The following HEATR9 variants were observed in gnomAD, a reference collection of about 807,000 sequenced individuals.
The protein encoded by HEATR9 is protein HEATR9.
HEATR9 carries 54 observed loss-of-function variants against 68.2 expected under a neutral mutation model. The ratio of observed to expected loss-of-function variants is 0.79; its 90% CI spans 0.64 to 0.99. HEATR9 has a LOEUF of 0.99. HEATR9 is among the 50% of genes least tolerant of loss of function. The pLI is 0.00. For missense variants in HEATR9, 662 were observed against 679.7 expected (o/e 0.97, Z 0.29); for synonymous variants, 241 against 253.5 (o/e 0.95, Z 0.47).
chr17:35,865,226 T>C lies in HEATR9; in HGVS notation c.309A>G (p.Arg103=). 1 of 1,613,806 alleles carries C rather than the reference T, an allele frequency of 6.2e-7. No individual in the cohort carries two copies. Among genetic ancestry groups the C allele is most frequent in the Non-Finnish European group, 8.5e-7 (1 of 1,179,798 alleles). Residue 103 remains arginine, a synonymous_variant, in exon 3 of 15, where the codon AGA becomes AGG. Coordinates refer to ENST00000604834, the MANE Select transcript of HEATR9 (RefSeq NM_152781.4). The stretch of plus-strand genomic sequence containing the variant: ...CCAGCAAAACACACCTACAGTCATC[T>C]CTCATTTTCCTCAACATCTTCTCAG... ...REAEKMLRKM[R]DDCRYIKEVH... is the part of the protein sequence containing the mutation.
chr17:35,862,786 T>A (rs2088042358), intron 8 of HEATR9, among the ~76,000 whole-genome samples: 2 of 152,216 alleles, frequency 1.3e-5, no homozygotes, highest in African/African-American at 4.8e-5. Context: ...AAATACAAAC[T>A]GCAGCTCTGA....
At chr17:35,863,211 G>A (rs2088061175) in intron 7 of HEATR9, 86 bp from the exon 8 acceptor site, 19 of 1,564,658 alleles carry the variant, frequency 1.2e-5, no homozygotes, top group Admixed American at 1.7e-5. Flanking sequence ...CTGTGCCATC[G>A]AGACCTAAGT....
intron 8 of HEATR9, chr17:35,861,538 G>T: frequency 1.2e-6 from 1 of 868,400 alleles, no homozygotes; most frequent in Admixed American, 1.7e-5. Flanking sequence ...GATGGGCCTC[G>T]AAGAGAAATA....
intron 1 of HEATR9, among the ~76,000 whole-genome samples, chr17:35,867,398 G>A (rs556897019): frequency 2.6e-5 from 3 of 114,734 alleles, no homozygotes; most frequent in African/African-American, 1.0e-4. Flanking sequence ...TCATGCCACT[G>A]TACTCCAGCC....
Position 35,855,741 on chromosome 17 carries a change from C to T in HEATR9, c.1288G>A (p.Gly430Arg). The change falls in exon 14 of 15, where the codon GGG becomes AGG. Residue 430 changes from glycine (G) to arginine (R), a missense_variant. Coordinates refer to ENST00000604834, the MANE Select transcript of HEATR9 (RefSeq NM_152781.4). ...TGGAACACTTGTGGACTGCGGATCC[C>T]CAGGACACCCTGGCAGAGGCAGAGT... is the stretch of plus-strand genomic sequence containing the variant. ...QEAVISLGVL[G>R]IRSPQVFHLL... 6.2e-7 allele frequency: 1 copy of T among 1,613,868 alleles called. No individual in the cohort carries two copies. Among genetic ancestry groups the T allele is most frequent in the South Asian group, 1.1e-5 (1 of 91,068 alleles).
Position 35,856,196 on chromosome 17 carries a change from G to C in HEATR9, c.1255C>G (p.Arg419Gly), listed in dbSNP as rs770967294. Reference protein sequence around the residue: ...AQLMNPDATARQEAVISLGVL... With the variant: ...AQLMNPDATAGQEAVISLGVL... ...ACCAAAGAGATGACTGCTTCCTGGC[G>C]TGCAGTGGCATCTGGGTTCATCAGT... is the stretch of plus-strand genomic sequence containing the variant. Residue 419 changes from arginine (R) to glycine (G), a missense_variant, in exon 13 of 15, where the codon CGC becomes GGC. By Grantham distance (125) the Arg-to-Gly change is moderately radical (BLOSUM62 -2). Coordinates refer to ENST00000604834, the MANE Select transcript of HEATR9 (RefSeq NM_152781.4). The C allele has an allele frequency of 1.1e-5, 18 of 1,614,018 alleles. No homozygotes were observed. In the East Asian group the frequency reaches 4.0e-4, roughly 36 times the overall value.
intron 1 of HEATR9, 33 bp from the exon 2 acceptor site, chr17:35,866,806 C>G (rs755946237): frequency 3.1e-6 from 5 of 1,607,834 alleles, no homozygotes; most frequent in Non-Finnish European, 4.3e-6. Context: ...GTGTGTGGTT[C>G]AAATGAGATA....
At chr17:35,863,334 C>T (rs2088068336) in intron 7 of HEATR9, among the ~76,000 whole-genome samples, 168 bp downstream of exon 7, 1 of 152,186 alleles carries the variant, frequency 6.6e-6, no homozygotes, top group Non-Finnish European at 1.5e-5. Context: ...ATCTCTTTTC[C>T]CTTTTCACCC....
At chr17:35,857,775 A>T (rs1356219883) in intron 11 of HEATR9, among the ~76,000 whole-genome samples, 3 of 152,174 alleles carry the variant, frequency 2.0e-5, no homozygotes. Flanking sequence ...AAAGAAAAAA[A>T]ATATAACACC....
chr17:35,861,951 TG>T (rs2088010217), intron 8 of HEATR9, among the ~76,000 whole-genome samples: 8 of 151,942 alleles, frequency 5.3e-5, no homozygotes, highest in Admixed American at 5.2e-4. Context: ...CTCTGCCTCC[TG>T]GGTTCAAGCA....
chr17:35,855,246 G>A lies in HEATR9; in HGVS notation c.1530C>T (p.Asp510=). The change falls in exon 15 of 15, where the codon GAC becomes GAT. Residue 510 remains aspartate, a synonymous_variant. Coordinates refer to ENST00000604834, the MANE Select transcript of HEATR9 (RefSeq NM_152781.4). ...AGGGGTTCAGCTTTGCAAGTCGAAA[G>A]TCTTGAATAGTTAACTCTTCTGGGT... ...PENPEELTIQ[D]FRLAKLNPLF... is the part of the protein sequence containing the mutation. 6.2e-7 allele frequency: 1 copy of A among 1,614,196 alleles called. No individual in the cohort carries two copies. The highest frequency in any genetic ancestry group is 1.1e-5 in the South Asian group (1 of 91,090).
chr17:35,868,476 G>A, intron 1 of HEATR9, 179 bp downstream of exon 1: 1 of 1,177,186 alleles, frequency 8.5e-7, no homozygotes, highest in South Asian at 1.9e-5. Context: ...TGTAGGCCCT[G>A]CTGAGGAGCC....
intron 5 of HEATR9, 22 bp downstream of exon 5, chr17:35,864,475 C>G (rs1258137142): frequency 6.2e-7 from 1 of 1,612,268 alleles, no homozygotes; most frequent in South Asian, 1.1e-5. Context: ...AACCACCCTC[C>G]TCTATCCTTG....
chr17:35,865,098 C>T, intron 3 of HEATR9, 117 bp downstream of exon 3: 1 of 1,357,816 alleles, frequency 7.4e-7, no homozygotes. Context: ...CCCTAAGCTC[C>T]TCTCTGGGAC....
At position 35,855,254 on chromosome 17, in the gene HEATR9, T is replaced by A. The variant is rs761814828; in HGVS notation, c.1522A>T (p.Ile508Phe). Residue 508 changes from isoleucine (I) to phenylalanine (F), a missense_variant, in exon 15 of 15, where the codon ATT becomes TTT. Ile to Phe is a conservative substitution (Grantham distance 21). Transcript: ENST00000604834. ...AGCTTTGCAAGTCGAAAGTCTTGAA[T>A]AGTTAACTCTTCTGGGTTCTCAGGC... is the stretch of plus-strand genomic sequence containing the variant. ...KEPENPEELT[I>F]QDFRLAKLNP... 21 of 1,614,092 alleles carry A rather than the reference T, an allele frequency of 1.3e-5. No homozygotes were observed. Among genetic ancestry groups the A allele is most frequent in the Non-Finnish European group, 8.5e-7 (1 of 1,180,038 alleles).
At position 35,863,102 on chromosome 17, in the gene HEATR9, G is replaced by A. The variant is rs142219051; in HGVS notation, c.649C>T (p.Arg217Trp). ...ILGCLNKHVI[R>W]ALIKQLKEKN... ...TCCTTCAGCTGTTTGATGAGAGCCC[G>A]GATCACATGCTTATTCAGGCAACCT... The change falls in exon 8 of 15, where the codon CGG becomes TGG. Residue 217 changes from arginine (R) to tryptophan (W), a missense_variant. Coordinates refer to ENST00000604834, the MANE Select transcript of HEATR9 (RefSeq NM_152781.4). 30 of 1,613,916 alleles carry A rather than the reference G, an allele frequency of 1.9e-5. No homozygotes were observed. Among genetic ancestry groups the A allele is most frequent in the African/African-American group, 1.2e-4 (9 of 74,876 alleles).
chr17:35,865,359 C>G lies in HEATR9; in HGVS notation c.176G>C (p.Trp59Ser), dbSNP rs1239709031. The G allele has an allele frequency of 5.0e-6, 8 of 1,613,570 alleles. No homozygotes were observed. The highest frequency in any genetic ancestry group is 6.8e-6 in the Non-Finnish European group (8 of 1,179,962). Residue 59 changes from tryptophan to serine, a missense_variant, in exon 3 of 15, where the codon TGG (tryptophan) becomes TCG (serine). Transcript: ENST00000604834. ...GTTTGGCTTGCTCGGATGCTGCCTC[C>G]AGCACTCTGGACTTGGGGGAAACTC... is the stretch of plus-strand genomic sequence containing the variant. ...KEEFPPSPEC[W>S]RQHPSKPNSV...
chr17:35,865,035 G>T, intron 3 of HEATR9, 145 bp from the exon 4 acceptor site: 1 of 1,268,934 alleles, frequency 7.9e-7, no homozygotes, highest in Non-Finnish European at 1.1e-6. Context: ...ATCCACCAGA[G>T]CCGAGCCGAG....
Position 35,856,752 on chromosome 17 carries a change from CG to C in HEATR9, c.1205del (p.Thr402ArgfsTer2). ...QTVEELKLKP[T>X]MMNLVEAQLM... ...CTCACGCCTCCACCAAGTTCATCAT[CG>C]TAGGCTTCAACTTGAGCTCTTCCAC... On this transcript the variant is annotated frameshift_variant, in exon 12 of 15. Coordinates refer to ENST00000604834, the MANE Select transcript of HEATR9 (RefSeq NM_152781.4). LOFTEE classifies it high-confidence loss of function. 1 of 1,605,774 alleles carries C rather than the reference CG, an allele frequency of 6.2e-7. No individual in the cohort carries two copies. Among genetic ancestry groups the C allele is most frequent in the Non-Finnish European group, 8.5e-7 (1 of 1,176,088 alleles).
Sources: gnomAD v4.1 joint callset for allele counts (sites outside exome capture counted in the v4.1 genomes callset) on GRCh38, gnomAD v4.1.1 for gene constraint, MANE v1.5 for transcripts, NCBI Gene and HGNC (gene_info 2026-07-23, HGNC 2026-07-21) for gene names.